Variants in BIRC6 observed in about 807,000 individuals in gnomAD.
BIRC6 encodes dual E2 ubiquitin-conjugating enzyme/E3 ubiquitin-protein ligase BIRC6.
BIRC6 carries 98 observed loss-of-function variants against 503.3 expected under a neutral mutation model. That is an observed-to-expected ratio of 0.19 (90% CI 0.17 to 0.23). The LOEUF is 0.23. Ranked by LOEUF, BIRC6 falls within the 10% of genes least tolerant of loss-of-function variation. The probability of loss-of-function intolerance (pLI) is 1.00; values close to 1 mark genes in which losing one functional copy is unlikely to be tolerated. For missense variants in BIRC6, 5,360 were observed against 5,806.0 expected (o/e 0.92, Z 2.50); for synonymous variants, 2,240 against 2,078.7 (o/e 1.08, Z -2.11).
At chr2:32,399,940 A>G (rs1306303705) in intron 6 of BIRC6, among the ~76,000 whole-genome samples, 1 of 151,942 alleles carries the variant, frequency 6.6e-6, no homozygotes, top group Non-Finnish European at 1.5e-5. Flanking sequence ...GGCACATGCT[A>G]CCACACCCAG....
intron 46 of BIRC6, among the ~76,000 whole-genome samples, chr2:32,500,639 TC>T (rs2053073887): frequency 7.0e-6 from 1 of 143,236 alleles, no homozygotes; most frequent in African/African-American, 2.6e-5. Context: ...GAAGTCTTGC[TC>T]TGTTGCCCAG....
Position 32,525,580 on chromosome 2 carries a change from A to G in BIRC6, c.11872A>G (p.Lys3958Glu), listed in dbSNP as rs1018007697. 1.9e-6 allele frequency: 3 copies of G among 1,613,988 alleles called. No homozygotes were observed. The highest frequency in any genetic ancestry group is 2.5e-6 in the Non-Finnish European group (3 of 1,179,880). Residue 3958 changes from lysine (K) to glutamate (E), a missense_variant, in exon 59 of 74, where the codon AAA becomes GAA. Physicochemically the swap from Lys to Glu is moderately conservative, Grantham distance 56. Transcript: ENST00000421745. ...GSTSGAEAAN[K>E]IITVPVFHLF... ...TACTTCAGGAGCAGAGGCTGCCAAC[A>G]AAATAATTACTGTCCCAGTGTTTCA...
chr2:32,455,847 T>G (rs898676224), intron 23 of BIRC6, among the ~76,000 whole-genome samples: 9 of 152,168 alleles, frequency 5.9e-5, no homozygotes, highest in South Asian at 2.1e-4. Flanking sequence ...CCTCTTTATT[T>G]CACCCAAAAT....
Position 32,499,629 on chromosome 2 carries a change from G to A in BIRC6, c.8551G>A (p.Val2851Ile), listed in dbSNP as rs1162352281. ...CACTCTGGAGCAGAATTTTGAAGTC[G>A]TTTCAGTTAGTACTATTTCTGCCGT... The part of the protein sequence containing the change: ...EFTLEQNFEV[V>I]SVSTISAVIE... Residue 2851 changes from valine (V) to isoleucine (I), a missense_variant, in exon 46 of 74, where the codon GTT (valine) becomes ATT (isoleucine). By Grantham distance (29) the Val-to-Ile change is conservative. Transcript: ENST00000421745. 9 of 1,613,670 alleles carry A rather than the reference G, an allele frequency of 5.6e-6. No homozygotes were observed. The highest frequency in any genetic ancestry group is 7.6e-6 in the Non-Finnish European group (9 of 1,179,850).
At chr2:32,457,113 T>A (rs540485595) in intron 23 of BIRC6, among the ~76,000 whole-genome samples, 1 of 152,314 alleles carries the variant, frequency 6.6e-6, no homozygotes, top group South Asian at 2.1e-4. Context: ...CCTCGTCTGA[T>A]GTTTACTTAG....
At chr2:32,416,621 CA>C (rs1350003494) in intron 10 of BIRC6, among the ~76,000 whole-genome samples, 1 of 152,002 alleles carries the variant, frequency 6.6e-6, no homozygotes, top group Non-Finnish European at 1.5e-5. Flanking sequence ...AAATACTTAG[CA>C]AACAATTTTT....
chr2:32,402,735 T>A (rs2040738302), intron 8 of BIRC6, among the ~76,000 whole-genome samples: 1 of 152,202 alleles, frequency 6.6e-6, no homozygotes, highest in Admixed American at 6.5e-5. Flanking sequence ...ATATTAAGCA[T>A]GCTTAATTTC....
intron 34 of BIRC6, among the ~76,000 whole-genome samples, chr2:32,476,552 T>C (rs2049785976): frequency 6.6e-6 from 1 of 152,192 alleles, no homozygotes; most frequent in Non-Finnish European, 1.5e-5. Flanking sequence ...ACCTTCATTG[T>C]GGATTGAGTT....
In BIRC6 at chr2:32,589,681, CAGAT is replaced by C. The variant is rs778169309; in HGVS notation, c.13356-4231_13356-4228del. ...AGTTGTTTGTCAGTCTTTTTTCACA[CAGAT>C]AGGCAAATATTTATTTTAACATCTC... is the stretch of plus-strand genomic sequence containing the variant. On this transcript the variant is annotated intron_variant, in intron 66 of 73. Transcript: ENST00000421745. 4.5e-4 allele frequency among the ~76,000 whole-genome samples: 69 copies of C among 152,148 alleles called. 1 individual carries two copies. Among genetic ancestry groups the C allele is most frequent in the Non-Finnish European group, 7.9e-4 (54 of 68,000 alleles).
intron 61 of BIRC6, among the ~76,000 whole-genome samples, chr2:32,538,762 C>G (rs996588848): frequency 2.0e-5 from 3 of 152,134 alleles, no homozygotes; most frequent in African/African-American, 7.2e-5. Flanking sequence ...GAAACCCTGC[C>G]TCTACTAAAA....
At chr2:32,457,620 A>C (rs577592555) in intron 23 of BIRC6, among the ~76,000 whole-genome samples, 21 of 152,096 alleles carry the variant, frequency 1.4e-4, no homozygotes, top group Non-Finnish European at 2.4e-4. Flanking sequence ...CCCATGATAC[A>C]TTATTATAAT....
At chr2:32,469,865 C>G (rs1438408455) in intron 30 of BIRC6, among the ~76,000 whole-genome samples, 2 of 152,110 alleles carry the variant, frequency 1.3e-5, no homozygotes, top group African/African-American at 4.8e-5. Context: ...ATAAGTATTT[C>G]TATTAGATTA....
chr2:32,492,428 AACTT>A (rs1169072696), intron 44 of BIRC6, among the ~76,000 whole-genome samples: 1 of 152,144 alleles, frequency 6.6e-6, no homozygotes, highest in East Asian at 1.9e-4. Flanking sequence ...AGAAGAAACT[AACTT>A]ACAGTTAGAT....
intron 1 of BIRC6, among the ~76,000 whole-genome samples, chr2:32,367,023 A>G (rs1558532544): frequency 6.6e-6 from 1 of 152,252 alleles, no homozygotes; most frequent in Non-Finnish European, 1.5e-5. Context: ...GAACTGTAGC[A>G]CTTCAAATGT....
At chr2:32,383,943 G>T (rs576949537) in intron 3 of BIRC6, among the ~76,000 whole-genome samples, 1 of 152,340 alleles carries the variant, frequency 6.6e-6, no homozygotes, top group South Asian at 2.1e-4. Context: ...CCTTGCCCCT[G>T]TTACTTAGCA....
intron 3 of BIRC6, among the ~76,000 whole-genome samples, chr2:32,383,901 C>A (rs1168970297): frequency 6.6e-6 from 1 of 152,140 alleles, no homozygotes; most frequent in Admixed American, 6.6e-5. Context: ...AAGGGGCATC[C>A]TAGAGAATCT....
intron 65 of BIRC6, among the ~76,000 whole-genome samples, chr2:32,573,443 G>T (rs2060053832): frequency 6.6e-6 from 1 of 152,114 alleles, no homozygotes; most frequent in African/African-American, 2.4e-5. Context: ...TGATCCATCA[G>T]CCTCAGCCTC....
Position 32,453,790 on chromosome 2 carries a change from C to G in BIRC6, c.4619-18C>G. 6.2e-7 allele frequency: 1 copy of G among 1,608,854 alleles called. No individual in the cohort carries two copies. Among genetic ancestry groups the G allele is most frequent in the South Asian group, 1.1e-5 (1 of 89,922 alleles). ...AAAATTATCTTCACGTGTTATAAAA[C>G]TTGTCTTTTGCCATTAGGAAATGGA... On this transcript the variant is annotated intron_variant, in intron 22 of 73. Transcript: ENST00000421745.
At chr2:32,612,021 A>G (rs890537250) in intron 73 of BIRC6, among the ~76,000 whole-genome samples, 3 of 152,148 alleles carry the variant, frequency 2.0e-5, no homozygotes, top group Non-Finnish European at 4.4e-5. Context: ...GACTACAGGT[A>G]GCTGCCACAG....
Sources: allele counts gnomAD v4.1 joint callset (sites outside exome capture counted in the v4.1 genomes callset), GRCh38; gene constraint gnomAD v4.1.1; transcripts MANE v1.5; gene names NCBI Gene and HGNC (gene_info 2026-07-23, HGNC 2026-07-21).